KCNAB1: variants seen among roughly 807,000 people sequenced by gnomAD.
KCNAB1 encodes the protein potassium voltage-gated channel subfamily A regulatory beta subunit 1.
In KCNAB1, 35 loss-of-function variants were observed where a neutral mutation model predicts 64.6. That is an observed-to-expected ratio of 0.54 (90% CI 0.41 to 0.72). KCNAB1 has a LOEUF of 0.72. Ranked by LOEUF, KCNAB1 falls within the 30% of genes least tolerant of loss-of-function variation. The pLI is 0.00. For synonymous variants in KCNAB1, 177 were observed against 183.8 expected, an observed-to-expected ratio of 0.96 and a Z score of 0.30; for missense variants, 401 against 512.9, an observed-to-expected ratio of 0.78 and a Z score of 2.11.
At chr3:156,527,188 C>A (rs1023980010) in intron 12 of KCNAB1, among the ~76,000 whole-genome samples, 3 of 152,188 alleles carry the variant, frequency 2.0e-5, no homozygotes, top group African/African-American at 7.2e-5. Context: ...CTTAGCAACT[C>A]TACAGCTTTA....
At chr3:156,306,928 C>G (rs146766195) in intron 1 of KCNAB1, among the ~76,000 whole-genome samples, 3 of 152,330 alleles carry the variant, frequency 2.0e-5, no homozygotes, top group Non-Finnish European at 4.4e-5. Flanking sequence ...GCTGAAGAGT[C>G]TAAGACCCTG....
At chr3:156,311,067 C>A (rs942032338) in intron 1 of KCNAB1, among the ~76,000 whole-genome samples, 2 of 152,194 alleles carry the variant, frequency 1.3e-5, no homozygotes, top group African/African-American at 4.8e-5. Flanking sequence ...GAAGACCCCC[C>A]ACCCTTCTTC....
intron 7 of KCNAB1, 64 bp downstream of exon 7, chr3:156,465,750 C>A: frequency 1.5e-6 from 2 of 1,309,236 alleles, no homozygotes; most frequent in Non-Finnish European, 2.2e-6. Context: ...AGGTATCAAC[C>A]AAACAAATTC....
At chr3:156,334,642 A>G (rs1347000284) in intron 1 of KCNAB1, among the ~76,000 whole-genome samples, 1 of 152,228 alleles carries the variant, frequency 6.6e-6, no homozygotes, top group Non-Finnish European at 1.5e-5. Flanking sequence ...AAAGCTGCCC[A>G]ATAAATGTGC....
At chr3:156,386,314 C>T (rs1014233701) in intron 1 of KCNAB1, among the ~76,000 whole-genome samples, 3 of 152,190 alleles carry the variant, frequency 2.0e-5, no homozygotes, top group African/African-American at 7.2e-5. Context: ...ATGCGCAGTG[C>T]CCTCCTTGCC....
intron 1 of KCNAB1, among the ~76,000 whole-genome samples, chr3:156,248,372 G>A (rs752660560): frequency 2.6e-5 from 4 of 151,804 alleles, no homozygotes; most frequent in African/African-American, 7.3e-5. Flanking sequence ...AAAACTCCCC[G>A]GTAGTTCTGT....
intron 1 of KCNAB1, among the ~76,000 whole-genome samples, chr3:156,181,285 C>T (rs6441046): frequency 3.3e-5 from 5 of 152,004 alleles, no homozygotes; most frequent in African/African-American, 4.8e-5. Flanking sequence ...GTCTAGCAGA[C>T]GAAACAACAC....
At chr3:156,493,151 C>G (rs946515174) in intron 8 of KCNAB1, among the ~76,000 whole-genome samples, 1 of 152,062 alleles carries the variant, frequency 6.6e-6, no homozygotes, top group South Asian at 2.1e-4. Context: ...TTTTTCCAGC[C>G]CAGATTCCTT....
At chr3:156,382,990 T>A (rs116578853) in intron 1 of KCNAB1, among the ~76,000 whole-genome samples, 83 of 152,364 alleles carry the variant, frequency 5.4e-4, no homozygotes, top group Non-Finnish European at 1.1e-3. Context: ...TCGGGCTAGA[T>A]GATCTTTCGG....
chr3:156,209,157 G>C (rs1560137373), intron 1 of KCNAB1, among the ~76,000 whole-genome samples: 1 of 152,182 alleles, frequency 6.6e-6, no homozygotes, highest in Non-Finnish European at 1.5e-5. Context: ...AGTGTGTATG[G>C]TATTAATGGT....
intron 1 of KCNAB1, among the ~76,000 whole-genome samples, chr3:156,389,495 A>G (rs1712861733): frequency 6.6e-6 from 1 of 152,156 alleles, no homozygotes. Context: ...CCCAGATCCC[A>G]TGTACAGGAA....
At chr3:156,291,913 A>C in intron 1 of KCNAB1, 5 of 1,614,104 alleles carry the variant, frequency 3.1e-6, no homozygotes, top group Non-Finnish European at 4.2e-6. Context: ...AAGCAATGCA[A>C]GTCTCCATAG....
chr3:156,321,550 C>T (rs748248265), intron 1 of KCNAB1, among the ~76,000 whole-genome samples: 7 of 152,202 alleles, frequency 4.6e-5, no homozygotes, highest in Admixed American at 1.3e-4. Flanking sequence ...TGCTTTATAT[C>T]CTTTTTCCCT....
At chr3:156,323,508 C>G (rs554059564) in intron 1 of KCNAB1, among the ~76,000 whole-genome samples, 1 of 152,142 alleles carries the variant, frequency 6.6e-6, no homozygotes, top group Non-Finnish European at 1.5e-5. Context: ...TGTACATTGA[C>G]CCCCATGTCC....
intron 1 of KCNAB1, among the ~76,000 whole-genome samples, chr3:156,239,240 C>G (rs1023363553): frequency 1.3e-5 from 2 of 152,252 alleles, no homozygotes; most frequent in African/African-American, 2.4e-5. Context: ...TGTCTTTCTG[C>G]TTCTTTCTTG....
chr3:156,183,347 A>T (rs1435422279), intron 1 of KCNAB1, among the ~76,000 whole-genome samples: 2 of 152,186 alleles, frequency 1.3e-5, no homozygotes, highest in African/African-American at 4.8e-5. Flanking sequence ...AAACAAAGTC[A>T]TTGAGGCCAC....
chr3:156,154,316 C>G (rs1271436558), intron 1 of KCNAB1, among the ~76,000 whole-genome samples: 2 of 152,168 alleles, frequency 1.3e-5, no homozygotes, highest in Non-Finnish European at 2.9e-5. Context: ...GCTCTTCTTT[C>G]CCTTTCTACC....
At chr3:156,314,865 T>C (rs1722171101) in intron 1 of KCNAB1, among the ~76,000 whole-genome samples, 1 of 151,944 alleles carries the variant, frequency 6.6e-6, no homozygotes, top group Non-Finnish European at 1.5e-5. Context: ...AATACAAAAA[T>C]TAGCCAGACA....
At chr3:156,337,813 A>C (rs1351742120) in intron 1 of KCNAB1, among the ~76,000 whole-genome samples, 2 of 152,204 alleles carry the variant, frequency 1.3e-5, no homozygotes, top group Non-Finnish European at 2.9e-5. Context: ...GTGACAATTA[A>C]ATACAATGAT....
Sources: allele counts gnomAD v4.1 joint callset (sites outside exome capture counted in the v4.1 genomes callset), GRCh38; gene constraint gnomAD v4.1.1; transcripts MANE v1.5; gene names NCBI Gene and HGNC (gene_info 2026-07-23, HGNC 2026-07-21).